Variants in CFAP299 observed in about 807,000 individuals in gnomAD.
The protein encoded by CFAP299 is cilia- and flagella-associated protein 299.
A neutral mutation model predicts 27.0 loss-of-function variants in CFAP299; 21 were observed. That is an observed-to-expected ratio of 0.78 (90% CI 0.55 to 1.12). CFAP299 has a LOEUF of 1.12. CFAP299 is among the 50% of genes most tolerant of loss of function. CFAP299 has a pLI of 0.00. For synonymous variants in CFAP299, 104 were observed against 98.1 expected (o/e 1.06, Z -0.36); for missense variants, 310 against 276.6 (o/e 1.12, Z -0.86).
At chr4:80,358,626 G>T (rs950191628) in intron 1 of CFAP299, among the ~76,000 whole-genome samples, 1 of 151,862 alleles carries the variant, frequency 6.6e-6, no homozygotes, top group Non-Finnish European at 1.5e-5. Flanking sequence ...AGTCTGTTTT[G>T]TCAGAAACTA....
At chr4:80,467,482 T>C (rs1729764072) in intron 2 of CFAP299, among the ~76,000 whole-genome samples, 1 of 152,182 alleles carries the variant, frequency 6.6e-6, no homozygotes, top group Non-Finnish European at 1.5e-5. Flanking sequence ...CTACCTTTAT[T>C]GTAAACTCAC....
At chr4:80,758,396 C>A (rs1424242249) in intron 3 of CFAP299, among the ~76,000 whole-genome samples, 1 of 152,140 alleles carries the variant, frequency 6.6e-6, no homozygotes, top group African/African-American at 2.4e-5. Context: ...CCATGTACAG[C>A]TGCTTCTCCT....
intron 3 of CFAP299, among the ~76,000 whole-genome samples, chr4:80,633,183 T>C (rs1437900012): frequency 8.5e-5 from 13 of 152,220 alleles, no homozygotes; most frequent in Admixed American, 7.8e-4. Flanking sequence ...GTGTGGTGGC[T>C]CACGCCTGTA....
At chr4:80,890,633 CA>C (rs1734222542) in intron 4 of CFAP299, among the ~76,000 whole-genome samples, 1 of 149,284 alleles carries the variant, frequency 6.7e-6, no homozygotes, top group South Asian at 2.2e-4. Flanking sequence ...GAGGAATCGC[CA>C]CACTGACTTC....
rs769950458 is a variant in CFAP299 at position 80,335,780 on chromosome 4, A to G, written c.12A>G (p.Glu4=). The stretch of plus-strand genomic sequence containing the variant: ...CCGAGGATACCGCAATGGATCAGGA[A>G]GAGGGGCTGAAGGCCTTGGACAATA... MDQ[E]EGLKALDNIV... The change falls in exon 1 of 6, where the codon GAA becomes GAG. Residue 4 remains glutamate (E), a synonymous_variant. Coordinates refer to ENST00000358105, the MANE Select transcript of CFAP299 (RefSeq NM_152770.3). 6.2e-7 allele frequency: 1 copy of G among 1,611,262 alleles called. No individual in the cohort carries two copies. The highest frequency in any genetic ancestry group is 8.5e-7 in the Non-Finnish European group (1 of 1,177,324).
Position 80,343,737 on chromosome 4 carries a change from C to T in CFAP299, c.111+7858C>T, listed in dbSNP as rs566844350. ...CCGGGAAGTGGAGCTTGCAGTGAGCCGAGATTGCGCCACTGCAGTCCGCAG... is the reference window on the plus strand; with the variant it reads ...CCGGGAAGTGGAGCTTGCAGTGAGCTGAGATTGCGCCACTGCAGTCCGCAG... On this transcript the variant is annotated intron_variant, in intron 1 of 5. Transcript: ENST00000358105. 9.3e-5 allele frequency among the ~76,000 whole-genome samples: 13 copies of T among 139,706 alleles called. No homozygotes were observed. In the South Asian group the frequency reaches 1.6e-3, roughly 17 times the overall value. 91.7% of individuals were successfully genotyped at this position (139,706 alleles called of 152,430 possible).
At chr4:80,470,114 A>G (rs1389960058) in intron 2 of CFAP299, among the ~76,000 whole-genome samples, 1 of 152,154 alleles carries the variant, frequency 6.6e-6, no homozygotes, top group African/African-American at 2.4e-5. Context: ...GTAGTACCAC[A>G]GAGTAGTGAA....
intron 3 of CFAP299, among the ~76,000 whole-genome samples, chr4:80,716,528 C>A (rs1472495907): frequency 6.6e-6 from 1 of 151,976 alleles, no homozygotes; most frequent in African/African-American, 2.4e-5. Context: ...TCAAAATATT[C>A]ACTCCCAATG....
intron 3 of CFAP299, among the ~76,000 whole-genome samples, chr4:80,813,124 G>A (rs986216671): frequency 1.3e-5 from 2 of 152,008 alleles, no homozygotes; most frequent in Non-Finnish European, 2.9e-5. Flanking sequence ...ATGTCCAGTA[G>A]ACATATAAAA....
chr4:80,544,091 T>C (rs539197137), intron 2 of CFAP299, among the ~76,000 whole-genome samples: 11 of 152,322 alleles, frequency 7.2e-5, no homozygotes, highest in African/African-American at 2.4e-4. Flanking sequence ...AAGAATTTCA[T>C]ATTCTGCCAA....
chr4:80,388,216 C>A lies in CFAP299; in HGVS notation c.242+25332C>A. ...AGGTGAGGTGGCTGGGCACAGAATG[C>A]ATGTTCAGGCTGCTCTGCACAGGTC... On this transcript the variant is annotated intron_variant, in intron 2 of 5. Coordinates refer to ENST00000358105, the MANE Select transcript of CFAP299 (RefSeq NM_152770.3). 6 of 697,010 alleles carry A rather than the reference C, an allele frequency of 8.6e-6. No homozygotes were observed. In the South Asian group the frequency reaches 9.3e-5, roughly 11 times the overall value. The allele number at this position is 697,010 out of a possible 1,614,324, so 43.2% of individuals were successfully genotyped here.
At chr4:80,425,039 G>C (rs1247930186) in intron 2 of CFAP299, among the ~76,000 whole-genome samples, 1 of 152,018 alleles carries the variant, frequency 6.6e-6, no homozygotes, top group African/African-American at 2.4e-5. Context: ...AATGGTCCAA[G>C]AATTTACAAG....
At chr4:80,435,108 A>G (rs1728000324) in intron 2 of CFAP299, among the ~76,000 whole-genome samples, 1 of 152,188 alleles carries the variant, frequency 6.6e-6, no homozygotes, top group South Asian at 2.1e-4. Context: ...TGAGGACTTT[A>G]AGGGTTGAAA....
At chr4:80,958,543 T>G (rs146864064) in intron 5 of CFAP299, among the ~76,000 whole-genome samples, 1 of 152,260 alleles carries the variant, frequency 6.6e-6, no homozygotes, top group African/African-American at 2.4e-5. Context: ...TCTACTAAAT[T>G]TCTATGGGTT....
At chr4:80,484,185 A>G (rs1226786973) in intron 2 of CFAP299, among the ~76,000 whole-genome samples, 1 of 152,132 alleles carries the variant, frequency 6.6e-6, no homozygotes, top group Non-Finnish European at 1.5e-5. Context: ...TTAGTATGGA[A>G]TGATACTTGA....
intron 3 of CFAP299, among the ~76,000 whole-genome samples, chr4:80,819,325 G>A (rs1445897984): frequency 5.9e-5 from 9 of 152,094 alleles, no homozygotes; most frequent in African/African-American, 2.2e-4. Flanking sequence ...AGCATAGTTT[G>A]GTGAATGCAG....
At chr4:80,575,806 T>C (rs1181317920) in intron 2 of CFAP299, among the ~76,000 whole-genome samples, 1 of 152,160 alleles carries the variant, frequency 6.6e-6, no homozygotes, top group Non-Finnish European at 1.5e-5. Context: ...TTTCGCTGAA[T>C]CCCATAGGTT....
intron 4 of CFAP299, among the ~76,000 whole-genome samples, chr4:80,902,099 CCT>C (rs1223254671): frequency 6.6e-6 from 1 of 151,908 alleles, no homozygotes; most frequent in Admixed American, 6.6e-5. Flanking sequence ...CAGGTGCCTT[CCT>C]CTTTCTCACT....
chr4:80,742,534 G>T (rs1220015219), intron 3 of CFAP299, among the ~76,000 whole-genome samples: 2 of 152,078 alleles, frequency 1.3e-5, no homozygotes, highest in Non-Finnish European at 2.9e-5. Flanking sequence ...ATTGATTTAA[G>T]GGTTGGAGAG....
Sources: allele counts gnomAD v4.1 joint callset (sites outside exome capture counted in the v4.1 genomes callset), GRCh38; gene constraint gnomAD v4.1.1; transcripts MANE v1.5; gene names NCBI Gene and HGNC (gene_info 2026-07-23, HGNC 2026-07-21).